The following FAT3 variants were observed in gnomAD, a reference collection of about 807,000 sequenced individuals.
The protein encoded by FAT3 is protocadherin Fat 3.
A neutral mutation model predicts 310.2 loss-of-function variants in FAT3; 95 were observed. That is an observed-to-expected ratio of 0.31 (90% CI 0.26 to 0.36). The LOEUF is 0.36. Among genes scored for constraint, FAT3 ranks in the 10% least tolerant of loss-of-function variants. The probability of loss-of-function intolerance (pLI) is 1.00; values close to 1 mark genes in which losing one functional copy is unlikely to be tolerated. For synonymous variants in FAT3, 2,314 were observed against 2,192.9 expected (o/e 1.06, Z -1.54); for missense variants, 5,408 against 5,715.6 (o/e 0.95, Z 1.74).
chr11:92,660,588 G>A (rs1565493826), intron 3 of FAT3, among the ~76,000 whole-genome samples: 1 of 152,194 alleles, frequency 6.6e-6, no homozygotes, highest in Non-Finnish European at 1.5e-5. Flanking sequence ...GCATGATGGA[G>A]TGGTGTTCCA....
intron 2 of FAT3, among the ~76,000 whole-genome samples, chr11:92,369,608 A>G (rs1949129580): frequency 6.6e-6 from 1 of 152,084 alleles, no homozygotes; most frequent in Non-Finnish European, 1.5e-5. Flanking sequence ...CGGGCAGATC[A>G]TGAGGTCAAG....
chr11:92,368,828 G>GTA (rs1565263475), intron 2 of FAT3, among the ~76,000 whole-genome samples: 1 of 108,114 alleles, frequency 9.2e-6, no homozygotes, highest in African/African-American at 5.7e-5. Flanking sequence ...ATGTTTGTGT[G>GTA]TATACATATA....
intron 15 of FAT3, 53 bp from the exon 16 acceptor site, chr11:92,836,513 C>A (rs1175067772): frequency 6.3e-7 from 1 of 1,588,836 alleles, no homozygotes. Context: ...TAAGAATCAA[C>A]CTTTGCTGCC....
At chr11:92,440,425 A>G (rs545244659) in intron 2 of FAT3, among the ~76,000 whole-genome samples, 1 of 152,308 alleles carries the variant, frequency 6.6e-6, no homozygotes, top group South Asian at 2.1e-4. Context: ...TGTAACTCTC[A>G]GATCATCGTT....
At chr11:92,436,352 A>G (rs1246408105) in intron 2 of FAT3, among the ~76,000 whole-genome samples, 1 of 152,034 alleles carries the variant, frequency 6.6e-6, no homozygotes, top group Non-Finnish European at 1.5e-5. Flanking sequence ...ATGTTTCCCA[A>G]GCTGGTCTCC....
intron 3 of FAT3, among the ~76,000 whole-genome samples, chr11:92,525,683 A>G (rs1953838694): frequency 1.6e-5 from 1 of 62,032 alleles, no homozygotes; most frequent in Admixed American, 2.3e-4. Context: ...GGAGTAAAAT[A>G]GTGAGAGTTG....
chr11:92,405,835 G>C (rs980447582), intron 2 of FAT3, among the ~76,000 whole-genome samples: 2 of 152,192 alleles, frequency 1.3e-5, no homozygotes, highest in Non-Finnish European at 2.9e-5. Context: ...GCAATAAGAA[G>C]TTAGGGAATG....
intron 23 of FAT3, among the ~76,000 whole-genome samples, chr11:92,882,364 G>T (rs895138885): frequency 2.4e-4 from 37 of 152,158 alleles, no homozygotes; most frequent in Admixed American, 6.5e-5. Context: ...TAAATTCTGA[G>T]ATGCATCTGC....
At chr11:92,875,097 G>A (rs1183577257) in intron 22 of FAT3, among the ~76,000 whole-genome samples, 1 of 151,122 alleles carries the variant, frequency 6.6e-6, no homozygotes, top group African/African-American at 2.4e-5. Flanking sequence ...TATTTTGTGA[G>A]AACAGGTTAA....
At chr11:92,750,201 TGAGAG>T (rs931570596) in intron 4 of FAT3, among the ~76,000 whole-genome samples, 1 of 152,074 alleles carries the variant, frequency 6.6e-6, no homozygotes, top group African/African-American at 2.4e-5. Context: ...CTTTTGATAA[TGAGAG>T]GGGGAGGGAG....
rs369681602 is a variant in FAT3 at position 92,883,402 on chromosome 11, G to T, written c.12937+9G>T. ...GGACGCGGGAACTGAGAGTGAGTAG[G>T]AAGTGGTAATGCTCACCCCTCGGTG... On this transcript the variant is annotated intron_variant, in intron 24 of 27. Transcript: ENST00000525166. The surrounding 1 kb of genome is among the most constrained non-coding windows in gnomAD (Gnocchi z 4.2). 6.3e-7 allele frequency: 1 copy of T among 1,591,464 alleles called. No homozygotes were observed. Among genetic ancestry groups the T allele is most frequent in the African/African-American group, 1.3e-5 (1 of 74,756 alleles).
chr11:92,606,141 T>G (rs2135601898), intron 3 of FAT3, among the ~76,000 whole-genome samples: 1 of 152,322 alleles, frequency 6.6e-6, no homozygotes, highest in Admixed American at 6.5e-5. Context: ...ATACTATTTC[T>G]GTTAAGTCAG....
intron 4 of FAT3, among the ~76,000 whole-genome samples, chr11:92,745,294 G>A (rs1446973603): frequency 6.6e-6 from 1 of 152,158 alleles, no homozygotes; most frequent in East Asian, 1.9e-4. Context: ...CTAGTGCAGA[G>A]GGATTTAGAT....
rs1369409662 is a variant in FAT3 at position 92,412,934 on chromosome 11, T to A, written c.3292+57530T>A. 5.3e-5 allele frequency among the ~76,000 whole-genome samples: 8 copies of A among 151,510 alleles called. No individual in the cohort carries two copies. The South Asian group carries it at 1.7e-3, about 32-fold the overall frequency. ...GGTTATTAGAACTGACAAACCTACA[T>A]TGACACATCATAGTCATCCAACTCC... On this transcript the variant is annotated intron_variant, in intron 2 of 27. Coordinates refer to ENST00000525166, the MANE Select transcript of FAT3 (RefSeq NM_001367949.2).
chr11:92,256,188 C>G (rs1479230205), intron 1 of FAT3, among the ~76,000 whole-genome samples: 1 of 151,942 alleles, frequency 6.6e-6, no homozygotes, highest in Non-Finnish European at 1.5e-5. Context: ...TAGGATCTAT[C>G]TTTTGGCACA....
chr11:92,353,137 A>T lies in FAT3; in HGVS notation c.1025A>T (p.Asn342Ile). The T allele has an allele frequency of 6.2e-7, 1 of 1,613,656 alleles. No individual in the cohort carries two copies. Among genetic ancestry groups the T allele is most frequent in the Non-Finnish European group, 8.5e-7 (1 of 1,179,840 alleles). Residue 342 changes from asparagine to isoleucine, a missense_variant, in exon 2 of 28, where the codon AAT (asparagine) becomes ATT (isoleucine). Transcript: ENST00000525166. ...TGGGAGAGCTTTCCCTATGGCTACA[A>T]TCTCACTCTTCAAGCAAAAGACAAG... ...IDWESFPYGY[N>I]LTLQAKDKGS... is the part of the protein sequence containing the mutation.
chr11:92,229,715 C>T (rs1864089416), intron 1 of FAT3, among the ~76,000 whole-genome samples: 1 of 151,232 alleles, frequency 6.6e-6, no homozygotes, highest in Middle Eastern at 3.5e-3. Flanking sequence ...GACAAATGAC[C>T]CATTCTAGCA....
intron 1 of FAT3, among the ~76,000 whole-genome samples, chr11:92,225,547 A>G (rs1194380635): frequency 6.6e-6 from 1 of 151,996 alleles, no homozygotes; most frequent in African/African-American, 2.4e-5. Context: ...GAGAAGGTTC[A>G]GGTGGCGAGC....
At chr11:92,639,817 C>T (rs1941892740) in intron 3 of FAT3, among the ~76,000 whole-genome samples, 1 of 152,136 alleles carries the variant, frequency 6.6e-6, no homozygotes, top group East Asian at 1.9e-4. Flanking sequence ...GTTGTAGTCA[C>T]ACCTAGCCAC....
Sources: allele counts gnomAD v4.1 joint callset (sites outside exome capture counted in the v4.1 genomes callset), GRCh38; gene constraint gnomAD v4.1.1; non-coding constraint Gnocchi (gnomAD v3.1); transcripts MANE v1.5; gene names NCBI Gene and HGNC (gene_info 2026-07-23, HGNC 2026-07-21).